The following BCL9 variants were observed in gnomAD, a reference collection of about 807,000 sequenced individuals.
The protein encoded by BCL9 is BCL9 transcription coactivator.
BCL9 carries 25 observed loss-of-function variants against 88.5 expected under a neutral mutation model. That is an observed-to-expected ratio of 0.28 (90% CI 0.21 to 0.39). BCL9 has a LOEUF of 0.39. BCL9 is among the 10% of genes least tolerant of loss of function. The probability of loss-of-function intolerance (pLI) is 1.00; values close to 1 mark genes in which losing one functional copy is unlikely to be tolerated. For missense variants in BCL9, 1,817 were observed against 1,877.8 expected (o/e 0.97, Z 0.60); for synonymous variants, 711 against 673.3 (o/e 1.06, Z -0.87).
intron 1 of BCL9, among the ~76,000 whole-genome samples, chr1:147,578,175 T>C (rs1250088846): frequency 1.3e-5 from 2 of 152,148 alleles, no homozygotes; most frequent in African/African-American, 4.8e-5. Flanking sequence ...ATTATTCCCC[T>C]TTCCCCATTA....
intron 1 of BCL9, among the ~76,000 whole-genome samples, chr1:147,591,477 T>C (rs782773126): frequency 6.6e-6 from 1 of 152,166 alleles, no homozygotes; most frequent in Non-Finnish European, 1.5e-5. Context: ...GCTCCTCAAC[T>C]GCAAAACAGT....
chr1:147,570,410 G>A (rs1472686857), intron 1 of BCL9, among the ~76,000 whole-genome samples: 1 of 152,176 alleles, frequency 6.6e-6, no homozygotes, highest in Non-Finnish European at 1.5e-5. Flanking sequence ...AGGCAGGAAG[G>A]TGCCTTCTAG....
intron 1 of BCL9, among the ~76,000 whole-genome samples, chr1:147,552,182 C>T (rs1019959508): frequency 6.6e-6 from 1 of 152,132 alleles, no homozygotes; most frequent in Non-Finnish European, 1.5e-5. Flanking sequence ...GGGAACACTT[C>T]ATGAAGGAGA....
intron 1 of BCL9, among the ~76,000 whole-genome samples, chr1:147,564,753 T>A (rs1655528664): frequency 2.0e-5 from 3 of 152,214 alleles, no homozygotes; most frequent in Middle Eastern, 3.2e-3. Context: ...ATTTGTGAAT[T>A]GCCTAAATTA....
In BCL9 at chr1:147,556,160, C is replaced by T. The variant is rs1655098497; in HGVS notation, c.-478+14486C>T. On this transcript the variant is annotated intron_variant, in intron 1 of 9. Transcript: ENST00000234739. ...TTGAGACAGAGTCTCACAGTGTTGT[C>T]TGGGCTGGAGTGCAATGGCTCCATC... Among the ~76,000 whole-genome samples, 3 of 152,048 alleles carry T rather than the reference C, an allele frequency of 2.0e-5. 1 individual carries two copies. The South Asian group carries it at 6.2e-4, about 31-fold the overall frequency.
intron 1 of BCL9, among the ~76,000 whole-genome samples, chr1:147,552,036 C>A (rs1654926763): frequency 6.6e-6 from 1 of 152,130 alleles, no homozygotes; most frequent in Non-Finnish European, 1.5e-5. Flanking sequence ...CTTTAAGGTG[C>A]TTTCATCCTG....
At position 147,619,362 on chromosome 1, in the gene BCL9, G is replaced by A; in HGVS notation, c.1207G>A (p.Glu403Lys). ...GVLDGPQKKPEGPIQAMMAQS... is the reference protein window; with the variant it reads ...GVLDGPQKKPKGPIQAMMAQS... ...ATTAGATGGGCCTCAGAAAAAACCA[G>A]AAGGGCCAATACAGGCCATGATGGC... The change falls in exon 8 of 10, where the codon GAA becomes AAA. Residue 403 changes from glutamate to lysine, a missense_variant. Coordinates refer to ENST00000234739, the MANE Select transcript of BCL9 (RefSeq NM_004326.4). The surrounding 1 kb of genome is among the most constrained non-coding windows in gnomAD (Gnocchi z 4.1). 1 of 1,614,034 alleles carries A rather than the reference G, an allele frequency of 6.2e-7. No individual in the cohort carries two copies. Among genetic ancestry groups the A allele is most frequent in the Non-Finnish European group, 8.5e-7 (1 of 1,180,016 alleles).
intron 6 of BCL9, among the ~76,000 whole-genome samples, chr1:147,615,586 T>C (rs1658235899): frequency 1.3e-5 from 2 of 152,348 alleles, no homozygotes; most frequent in Middle Eastern, 3.4e-3. Context: ...CTTTTGGGAT[T>C]TGCTAATGGC....
chr1:147,607,805 A>G (rs1332641255), intron 3 of BCL9, among the ~76,000 whole-genome samples: 18 of 152,170 alleles, frequency 1.2e-4, no homozygotes, highest in African/African-American at 4.3e-4. Flanking sequence ...TATACACAGA[A>G]TTGAAGAATT....
At position 147,611,792 on chromosome 1, in the gene BCL9, G is replaced by T. The variant is rs374801374; in HGVS notation, c.-45G>T. On this transcript the variant is annotated 5_prime_UTR_variant, in exon 4 of 10. Coordinates refer to ENST00000234739, the MANE Select transcript of BCL9 (RefSeq NM_004326.4). ...TTCTGCTGCAACCCGAGAGGAACTCGGTGAGCCTGTCCCGTTTGTGACTGC... is the reference window on the plus strand; with the variant it reads ...TTCTGCTGCAACCCGAGAGGAACTCTGTGAGCCTGTCCCGTTTGTGACTGC... 2 of 1,596,058 alleles carry T rather than the reference G, an allele frequency of 1.3e-6. No individual in the cohort carries two copies. Among genetic ancestry groups the T allele is most frequent in the Non-Finnish European group, 1.7e-6 (2 of 1,163,754 alleles).
chr1:147,601,238 ATAAGT>A (rs1384182174), intron 1 of BCL9, among the ~76,000 whole-genome samples: 1 of 152,220 alleles, frequency 6.6e-6, no homozygotes, highest in African/African-American at 2.4e-5. Context: ...AAGTTACTAG[ATAAGT>A]TAGAGAAATG....
chr1:147,623,143 T>C (rs1658734393), intron 9 of BCL9, among the ~76,000 whole-genome samples: 1 of 152,128 alleles, frequency 6.6e-6, no homozygotes, highest in South Asian at 2.1e-4. Flanking sequence ...CATGAGTTTC[T>C]GGTTCCAGTT....
intron 1 of BCL9, among the ~76,000 whole-genome samples, chr1:147,577,434 C>G (rs1394482886): frequency 6.6e-6 from 1 of 152,150 alleles, no homozygotes; most frequent in Non-Finnish European, 1.5e-5. Flanking sequence ...ATGGAAGGCA[C>G]TCATGTCTGA....
chr1:147,573,360 G>A (rs2101534226), intron 1 of BCL9, among the ~76,000 whole-genome samples: 1 of 152,328 alleles, frequency 6.6e-6, no homozygotes, highest in South Asian at 2.1e-4. Flanking sequence ...GGCTGAGGCA[G>A]GAGAATCACT....
intron 1 of BCL9, among the ~76,000 whole-genome samples, chr1:147,547,248 G>C (rs1229701577): frequency 1.3e-5 from 2 of 152,130 alleles, no homozygotes; most frequent in Non-Finnish European, 2.9e-5. Flanking sequence ...TGAGTAATAA[G>C]CTGCTTCTGA....
chr1:147,578,311 CAA>C (rs1190595071), intron 1 of BCL9, among the ~76,000 whole-genome samples: 7 of 152,206 alleles, frequency 4.6e-5, no homozygotes, highest in African/African-American at 1.7e-4. Flanking sequence ...ATCCAAGATC[CAA>C]AAGTTTTTGA....
chr1:147,583,880 G>T (rs1553198894), intron 1 of BCL9, among the ~76,000 whole-genome samples: 1 of 151,786 alleles, frequency 6.6e-6, no homozygotes, highest in Non-Finnish European at 1.5e-5. Flanking sequence ...TTGAACCAGG[G>T]TGGTGGAGGT....
chr1:147,583,207 G>C (rs1478051495), intron 1 of BCL9, among the ~76,000 whole-genome samples: 2 of 152,018 alleles, frequency 1.3e-5, no homozygotes, highest in African/African-American at 4.8e-5. Flanking sequence ...TCAGTCATTT[G>C]TTGAAATCAT....
chr1:147,624,070 C>T lies in BCL9; in HGVS notation c.3392C>T (p.Pro1131Leu). ...GHGSQEPPMVPQGRMGFPQGF... is the reference protein window; with the variant it reads ...GHGSQEPPMVLQGRMGFPQGF... ...GGGTCCCAGGAGCCACCGATGGTAC[C>T]TCAAGGACGGATGGGCTTCCCCCAG... The change falls in exon 10 of 10, where the codon CCT becomes CTT. Residue 1131 changes from proline (P) to leucine (L), a missense_variant. Physicochemically the swap from Pro to Leu is moderately conservative, Grantham distance 98. Coordinates refer to ENST00000234739, the MANE Select transcript of BCL9 (RefSeq NM_004326.4). The surrounding 1 kb of genome is among the most constrained non-coding windows in gnomAD (Gnocchi z 4.4). 1.2e-6 allele frequency: 2 copies of T among 1,612,660 alleles called. No homozygotes were observed. Among genetic ancestry groups the T allele is most frequent in the Non-Finnish European group, 1.7e-6 (2 of 1,178,858 alleles).
Sources: allele counts gnomAD v4.1 joint callset (sites outside exome capture counted in the v4.1 genomes callset), GRCh38; gene constraint gnomAD v4.1.1; non-coding constraint Gnocchi (gnomAD v3.1); transcripts MANE v1.5; gene names NCBI Gene and HGNC (gene_info 2026-07-23, HGNC 2026-07-21).